The following ZFR variants were observed in gnomAD, a reference collection of about 807,000 sequenced individuals.
ZFR encodes the protein zinc finger RNA-binding protein.
Under a neutral mutation model 130.7 loss-of-function variants are expected in ZFR, and 19 were observed. The ratio of observed to expected loss-of-function variants is 0.15; its 90% CI spans 0.10 to 0.21. The LOEUF (loss-of-function observed/expected upper bound fraction) is 0.21, where lower values mean the gene tolerates loss of function less well. ZFR is among the 10% of genes least tolerant of loss of function. The pLI is 1.00. For synonymous variants in ZFR, 466 were observed against 456.9 expected, an observed-to-expected ratio of 1.02 and a Z score of -0.25; for missense variants, 872 against 1,321.5, an observed-to-expected ratio of 0.66 and a Z score of 5.27.
intron 19 of ZFR, among the ~76,000 whole-genome samples, chr5:32,360,216 G>C (rs1352146615): frequency 6.6e-6 from 1 of 152,092 alleles, no homozygotes; most frequent in African/African-American, 2.4e-5. Context: ...AATGTAACTG[G>C]ACTCTTTTTC....
chr5:32,401,874 A>G (rs1581698695), intron 8 of ZFR, among the ~76,000 whole-genome samples: 1 of 152,370 alleles, frequency 6.6e-6, no homozygotes, highest in East Asian at 1.9e-4. Flanking sequence ...GATAGAAACA[A>G]GACTAGGTAA....
chr5:32,435,662 A>T (rs532577694), intron 2 of ZFR, among the ~76,000 whole-genome samples: 5 of 152,210 alleles, frequency 3.3e-5, no homozygotes, highest in Non-Finnish European at 7.3e-5. Flanking sequence ...CCCATCAAAA[A>T]GGGTCATATT....
At position 32,370,089 on chromosome 5, in the gene ZFR, A is replaced by ATTT. The variant is rs933446377; in HGVS notation, c.2836-5817_2836-5815dup. The stretch of plus-strand genomic sequence containing the variant: ...TCAACATTAATCAATACAGTGGCAG[A>ATTT]TTTTTTTTTTTTTTTTTTTTTTGAG... On this transcript the variant is annotated intron_variant, in intron 17 of 19. Transcript: ENST00000265069. Among the ~76,000 whole-genome samples, 87 of 121,914 alleles carry ATTT rather than the reference A, an allele frequency of 7.1e-4. 1 individual carries two copies. The highest frequency in any genetic ancestry group is 1.6e-3 in the South Asian group (6 of 3,828). The allele number at this position is 121,914 out of a possible 152,430, so 80.0% of individuals were successfully genotyped here. A position where few individuals can be genotyped will look rare whatever the true frequency, so the allele number is the denominator to read the frequency against.
chr5:32,366,789 A>G (rs952584773), intron 17 of ZFR, among the ~76,000 whole-genome samples: 4 of 152,174 alleles, frequency 2.6e-5, no homozygotes, highest in South Asian at 4.1e-4. Context: ...ATAACTTATT[A>G]AGAATTATTA....
intron 17 of ZFR, chr5:32,364,543 C>CAA (rs1752499614): frequency 5.6e-6 from 1 of 180,138 alleles, no homozygotes; most frequent in Non-Finnish European, 1.1e-5. Context: ...GGCAAGATGG[C>CAA]AAAACCCCGT....
At chr5:32,365,755 G>A (rs1439675846) in intron 17 of ZFR, among the ~76,000 whole-genome samples, 5 of 151,758 alleles carry the variant, frequency 3.3e-5, no homozygotes, top group Non-Finnish European at 5.9e-5. Context: ...GACAACAGGC[G>A]CAGCCACCAT....
intron 2 of ZFR, among the ~76,000 whole-genome samples, chr5:32,439,684 T>G (rs58772685): frequency 0.019 from 2,838 of 151,912 alleles, 81 homozygotes; most frequent in African/African-American, 0.066. Context: ...CTCACACCTG[T>G]AATCCCAGCA....
chr5:32,370,345 GAGAGAGAGAC>G (rs1342123379), intron 17 of ZFR, among the ~76,000 whole-genome samples: 4 of 1,284 alleles, frequency 3.1e-3, no homozygotes, highest in African/African-American at 0.025. Context: ...GAGAGAGAGA[GAGAGAGAGAC>G]AGACAGACAG....
chr5:32,364,323 A>C, intron 17 of ZFR, 48 bp from the exon 18 acceptor site: 1 of 1,445,048 alleles, frequency 6.9e-7, no homozygotes, highest in East Asian at 2.3e-5. Flanking sequence ...CAAAGGAATT[A>C]CTCATTTTCA....
At chr5:32,396,585 A>G (rs1000507251) in intron 10 of ZFR, among the ~76,000 whole-genome samples, 7 of 152,072 alleles carry the variant, frequency 4.6e-5, no homozygotes, top group Non-Finnish European at 8.8e-5. Context: ...TAAAAATACA[A>G]AAATTAGCTG....
rs770426855 is a variant in ZFR, at chr5:32,419,785, G to A, written c.420+36C>T. 30 of 1,546,046 alleles carry A rather than the reference G, an allele frequency of 1.9e-5. No individual in the cohort carries two copies. The South Asian group carries it at 2.7e-4, about 14-fold the overall frequency. On this transcript the variant is annotated intron_variant, in intron 3 of 19. Coordinates refer to ENST00000265069, the MANE Select transcript of ZFR (RefSeq NM_016107.5). ...TTATACACTGAAGACAAAGAAACCC[G>A]CACATTCAGGCTACCAAAACTAGTA...
chr5:32,396,367 T>C (rs2111754570), intron 10 of ZFR, among the ~76,000 whole-genome samples: 1 of 152,272 alleles, frequency 6.6e-6, no homozygotes, highest in East Asian at 1.9e-4. Flanking sequence ...TACTACCCTT[T>C]TACACTGTTT....
rs771380386 is a variant in ZFR at position 32,390,329 on chromosome 5, T to C, written c.2088A>G (p.Pro696=). The change falls in exon 12 of 20, where the codon CCA becomes CCG. Residue 696 remains proline (P), a synonymous_variant. Coordinates refer to ENST00000265069, the MANE Select transcript of ZFR (RefSeq NM_016107.5). ...DGGYPHGPPG[P]LGLLGVRPGM... The stretch of plus-strand genomic sequence containing the variant: ...CTGGTCGGACTCCCAGAAGGCCTAA[T>C]GGGCCTGGAGGACCATGAGGATAAC... The C allele has an allele frequency of 1.9e-6, 3 of 1,614,180 alleles. No individual in the cohort carries two copies. Among genetic ancestry groups the C allele is most frequent in the Non-Finnish European group, 2.5e-6 (3 of 1,180,018 alleles).
chr5:32,355,229 G>A lies in ZFR; in HGVS notation c.*531C>T, dbSNP rs1044948657. 1 of 152,182 alleles carries A rather than the reference G, an allele frequency of 6.6e-6. No homozygotes were observed. The highest frequency in any genetic ancestry group is 2.4e-5 in the African/African-American group (1 of 41,420). The allele number at this position is 152,182 out of a possible 1,614,324, so 9.4% of individuals were successfully genotyped here. On this transcript the variant is annotated 3_prime_UTR_variant, in exon 20 of 20. Transcript: ENST00000265069. ...CTCGAATGGCAGGATAACTTTTTGT[G>A]TTGTAATCCTTCACATATAGAAAAA...
chr5:32,387,952 A>T (rs2111730191), intron 13 of ZFR, among the ~76,000 whole-genome samples: 1 of 152,324 alleles, frequency 6.6e-6, no homozygotes, highest in East Asian at 1.9e-4. Context: ...TCTGTTTCTT[A>T]TTTCACAAGT....
intron 11 of ZFR, 97 bp downstream of exon 11, chr5:32,395,062 T>C: frequency 7.1e-7 from 1 of 1,405,622 alleles, no homozygotes; most frequent in Non-Finnish European, 9.3e-7. Context: ...AGTAAATAAA[T>C]CTGGATTGCT....
chr5:32,434,663 A>ATT (rs1417349806), intron 2 of ZFR, among the ~76,000 whole-genome samples: 1 of 152,232 alleles, frequency 6.6e-6, no homozygotes, highest in Non-Finnish European at 1.5e-5. Context: ...AGAGGAAATA[A>ATT]TTCACAGAAT....
chr5:32,364,283 T>C lies in ZFR; in HGVS notation c.2836-8A>G. 4 of 1,571,882 alleles carry C rather than the reference T, an allele frequency of 2.5e-6. No individual in the cohort carries two copies. Among genetic ancestry groups the C allele is most frequent in the South Asian group, 1.2e-5 (1 of 84,958 alleles). On this transcript the variant is annotated splice_polypyrimidine_tract_variant and splice_region_variant and intron_variant, in intron 17 of 19. Transcript: ENST00000265069. ...TACTAGTAACTCCATAGCCTAAAAA[T>C]ACAACATAAAAATGTGTTTAACAGC...
intron 10 of ZFR, among the ~76,000 whole-genome samples, chr5:32,395,627 T>C (rs1332559347): frequency 6.6e-6 from 1 of 152,198 alleles, no homozygotes; most frequent in African/African-American, 2.4e-5. Flanking sequence ...CTTACATCTA[T>C]GCTGCTGAGT....
Sources: gnomAD v4.1 joint callset for allele counts (sites outside exome capture counted in the v4.1 genomes callset) on GRCh38, gnomAD v4.1.1 for gene constraint, MANE v1.5 for transcripts, NCBI Gene and HGNC (gene_info 2026-07-23, HGNC 2026-07-21) for gene names.